The following BDP1 variants were observed in gnomAD, a reference collection of about 807,000 sequenced individuals.
BDP1 encodes transcription factor TFIIIB component B'' homolog.
BDP1 carries 169 observed loss-of-function variants against 266.6 expected under a neutral mutation model. The ratio of observed to expected loss-of-function variants is 0.63; its 90% confidence interval spans 0.56 to 0.72. BDP1 has a LOEUF of 0.72. BDP1 is among the 30% of genes least tolerant of loss of function. The pLI is 0.00. For synonymous variants in BDP1, 1,090 were observed against 1,022.4 expected, an observed-to-expected ratio of 1.07 and a Z score of -1.26; for missense variants, 3,015 against 3,053.8, an observed-to-expected ratio of 0.99 and a Z score of 0.30.
chr5:71,553,048 C>A, intron 34 of BDP1, 68 bp from the exon 35 acceptor site: 3 of 1,275,378 alleles, frequency 2.4e-6, no homozygotes, highest in Non-Finnish European at 2.2e-6. Context: ...TTTCTAGGAT[C>A]CTTTAAAAAA....
At chr5:71,550,263 G>A (rs1480021043) in intron 34 of BDP1, among the ~76,000 whole-genome samples, 1 of 152,114 alleles carries the variant, frequency 6.6e-6, no homozygotes, top group Non-Finnish European at 1.5e-5. Context: ...GCCTGCGCCT[G>A]TAATCCCAGC....
chr5:71,459,867 G>T (rs1225384459), intron 2 of BDP1, among the ~76,000 whole-genome samples: 1 of 152,180 alleles, frequency 6.6e-6, no homozygotes, highest in Non-Finnish European at 1.5e-5. Context: ...CCAAAGTGAT[G>T]CTCCAGGGAA....
In BDP1 at chr5:71,502,750, A is replaced by G; in HGVS notation, c.2200A>G (p.Asn734Asp). The G allele has an allele frequency of 6.2e-7, 1 of 1,613,862 alleles. No homozygotes were observed. The highest frequency in any genetic ancestry group is 8.5e-7 in the Non-Finnish European group (1 of 1,179,958). The change falls in exon 15 of 39, where the codon AAT becomes GAT. Residue 734 changes from asparagine (N) to aspartate (D), a missense_variant. Asn to Asp is a conservative substitution (Grantham distance 23). Transcript: ENST00000358731. ...ILISQEEIGA[N>D]VEKNENESCA... is the part of the protein sequence containing the mutation. ...CATATCACAGGAAGAAATTGGGGCC[A>G]ATGTAGAGAAGAATGAAAATGAATC... is the stretch of plus-strand genomic sequence containing the variant.
At chr5:71,483,432 G>A (rs1480349635) in intron 7 of BDP1, among the ~76,000 whole-genome samples, 1 of 152,188 alleles carries the variant, frequency 6.6e-6, no homozygotes, top group Non-Finnish European at 1.5e-5. Flanking sequence ...ATTTCACTTA[G>A]TTGTTTCTCT....
chr5:71,526,004 A>T (rs62360642), intron 25 of BDP1, among the ~76,000 whole-genome samples: 4 of 141,426 alleles, frequency 2.8e-5, no homozygotes, highest in African/African-American at 1.1e-4. Flanking sequence ...ATGGGCGGCC[A>T]GGCAGAGACG....
intron 25 of BDP1, among the ~76,000 whole-genome samples, chr5:71,527,551 A>G (rs768639526): frequency 2.6e-5 from 4 of 152,104 alleles, no homozygotes; most frequent in Non-Finnish European, 5.9e-5. Flanking sequence ...TTCATTTAGC[A>G]TAATGTTTTC....
At chr5:71,552,660 A>G (rs532785820) in intron 34 of BDP1, among the ~76,000 whole-genome samples, 397 of 152,378 alleles carry the variant, frequency 2.6e-3, no homozygotes, top group Non-Finnish European at 4.0e-3. Flanking sequence ...TCCACCAAAA[A>G]AATACGAAAA....
chr5:71,563,446 C>G (rs1367413028), intron 38 of BDP1, among the ~76,000 whole-genome samples: 2 of 151,458 alleles, frequency 1.3e-5, no homozygotes, highest in African/African-American at 4.8e-5. Flanking sequence ...CTGTAGTGTT[C>G]TTATTATATT....
intron 22 of BDP1, among the ~76,000 whole-genome samples, chr5:71,520,690 A>AGAAGG: frequency 1.3e-5 from 2 of 151,276 alleles, no homozygotes; most frequent in African/African-American, 4.9e-5. Context: ...GCATTGTTCT[A>AGAAGG]AGTGCTGATG....
intron 21 of BDP1, 26 bp from the exon 22 acceptor site, chr5:71,517,296 A>G (rs769912764): frequency 3.9e-6 from 6 of 1,557,058 alleles, no homozygotes; most frequent in African/African-American, 2.8e-5. Context: ...TAAAAATAAC[A>G]TACTAATATG....
intron 15 of BDP1, among the ~76,000 whole-genome samples, chr5:71,504,002 G>T (rs1450373919): frequency 6.6e-6 from 1 of 152,004 alleles, no homozygotes; most frequent in Non-Finnish European, 1.5e-5. Context: ...ACCAGGCGCA[G>T]TGGCTCATGC....
intron 23 of BDP1, 74 bp downstream of exon 23, chr5:71,522,564 T>C (rs1765559082): frequency 6.0e-6 from 8 of 1,342,372 alleles, no homozygotes; most frequent in Non-Finnish European, 8.2e-6. Flanking sequence ...ATGAAGAGCA[T>C]GAGTAAAATA....
chr5:71,568,361 G>A (rs887858412), downstream of BDP1, among the ~76,000 whole-genome samples: 11 of 152,168 alleles, frequency 7.2e-5, no homozygotes, highest in Middle Eastern at 3.2e-3. Context: ...GTAGGTTGGG[G>A]TAGTATTCCC....
the BDP1 span, among the ~76,000 whole-genome samples, chr5:71,575,815 C>T: frequency 1.3e-5 from 2 of 152,172 alleles, no homozygotes; most frequent in Admixed American, 1.3e-4. Context: ...TTAAAGGAGC[C>T]TCGGAATATG....
chr5:71,563,556 A>C (rs1307706917), intron 38 of BDP1, among the ~76,000 whole-genome samples: 1 of 152,018 alleles, frequency 6.6e-6, no homozygotes, highest in Non-Finnish European at 1.5e-5. Flanking sequence ...TCAAGCAGAC[A>C]TTTTTTATTT....
At chr5:71,574,883 A>G in the BDP1 span, among the ~76,000 whole-genome samples, 1 of 152,222 alleles carries the variant, frequency 6.6e-6, no homozygotes, top group South Asian at 2.1e-4. Context: ...TGTAATACAA[A>G]TTAAAGGAAA....
rs1222035520 is a variant in BDP1, at chr5:71,522,843, G to C, written c.5281G>C (p.Ala1761Pro). ...AGAGTCTGCTTTGGCAAAAATAGAT[G>C]CGGAATTAGAAGAAGTTGGACCATC... is the stretch of plus-strand genomic sequence containing the variant. ...SKESALAKID[A>P]ELEEVGPSRR... The change falls in exon 24 of 39, where the codon GCG becomes CCG. Residue 1761 changes from alanine (A) to proline (P), a missense_variant. Transcript: ENST00000358731. The C allele has an allele frequency of 6.2e-7, 1 of 1,613,902 alleles. No homozygotes were observed. The highest frequency in any genetic ancestry group is 8.5e-7 in the Non-Finnish European group (1 of 1,179,888).
At chr5:71,562,557 G>C (rs1407052564) in intron 38 of BDP1, 37 bp downstream of exon 38, 11 of 1,588,454 alleles carry the variant, frequency 6.9e-6, no homozygotes, top group Non-Finnish European at 9.4e-6. Context: ...GTTTGTATGA[G>C]ATGGGTTGGA....
chr5:71,570,892 A>T (rs1744243266), downstream of BDP1, among the ~76,000 whole-genome samples: 1 of 152,224 alleles, frequency 6.6e-6, no homozygotes. Context: ...TCTGAATAAG[A>T]TGCACATAAA....
Sources: allele counts gnomAD v4.1 joint callset (sites outside exome capture counted in the v4.1 genomes callset), GRCh38; gene constraint gnomAD v4.1.1; transcripts MANE v1.5; gene names NCBI Gene and HGNC (gene_info 2026-07-23, HGNC 2026-07-21).